VPS8: variants seen among roughly 807,000 people sequenced by gnomAD.
VPS8 encodes the protein vacuolar protein sorting-associated protein 8 homolog.
In VPS8, 129 loss-of-function variants were observed where a neutral mutation model predicts 216.4. The ratio of observed to expected loss-of-function variants is 0.60; its 90% confidence interval spans 0.52 to 0.69. The LOEUF (loss-of-function observed/expected upper bound fraction) is 0.69. Among genes scored for constraint, VPS8 ranks in the 30% least tolerant of loss-of-function variants. The pLI is 0.00. For missense variants in VPS8, 1,531 were observed against 1,683.5 expected (o/e 0.91, Z 1.59); for synonymous variants, 571 against 565.4 (o/e 1.01, Z -0.14).
chr3:184,858,706 A>G (rs1290354857), intron 14 of VPS8, among the ~76,000 whole-genome samples: 1 of 152,108 alleles, frequency 6.6e-6, no homozygotes, highest in African/African-American at 2.4e-5. Flanking sequence ...CTCAAAACAC[A>G]CTCATAATAA....
intron 46 of VPS8, among the ~76,000 whole-genome samples, chr3:185,046,222 T>C (rs1316001583): frequency 1.3e-5 from 2 of 152,316 alleles, no homozygotes; most frequent in East Asian, 1.9e-4. Flanking sequence ...AGAGATTATG[T>C]TCATATTTGG....
At chr3:185,002,076 T>G (rs1476888476) in intron 45 of VPS8, among the ~76,000 whole-genome samples, 1 of 152,072 alleles carries the variant, frequency 6.6e-6, no homozygotes, top group African/African-American at 2.4e-5. Context: ...AGAAGGTAAG[T>G]AGAATGAAAT....
At chr3:185,045,765 T>TAAAA (rs71632043) in intron 46 of VPS8, among the ~76,000 whole-genome samples, 1 of 129,094 alleles carries the variant, frequency 7.7e-6, no homozygotes. Flanking sequence ...AGACTCCGTC[T>TAAAA]AAAAAAAAAA....
At chr3:184,919,259 C>T (rs894534423) in intron 28 of VPS8, 1 of 152,120 alleles carries the variant, frequency 6.6e-6, no homozygotes, top group African/African-American at 2.4e-5. Context: ...ATGCGTAGTT[C>T]ATTTTCTTGT....
At chr3:185,013,463 G>A (rs113702653) in intron 45 of VPS8, among the ~76,000 whole-genome samples, 281 of 152,322 alleles carry the variant, frequency 1.8e-3, no homozygotes, top group Middle Eastern at 0.01. Flanking sequence ...ATTTTAATGG[G>A]TTACTAGCTG....
chr3:185,033,613 A>G (rs1309022918), intron 46 of VPS8, among the ~76,000 whole-genome samples: 1 of 152,230 alleles, frequency 6.6e-6, no homozygotes, highest in Non-Finnish European at 1.5e-5. Flanking sequence ...TTGCATGGGC[A>G]TCTCAACTCA....
chr3:184,884,095 T>C (rs1187834803), intron 21 of VPS8, among the ~76,000 whole-genome samples: 3 of 152,162 alleles, frequency 2.0e-5, no homozygotes, highest in Non-Finnish European at 4.4e-5. Context: ...TTTTATACTT[T>C]AAGTTCTAGG....
intron 45 of VPS8, among the ~76,000 whole-genome samples, chr3:185,011,909 C>T (rs1406237810): frequency 2.0e-5 from 3 of 152,058 alleles, no homozygotes; most frequent in South Asian, 4.1e-4. Flanking sequence ...TAAAGTATTT[C>T]GTGGAAAAGA....
intron 34 of VPS8, among the ~76,000 whole-genome samples, chr3:184,933,219 A>G (rs548941042): frequency 7.4e-4 from 113 of 152,362 alleles, no homozygotes; most frequent in Admixed American, 3.7e-3. Context: ...TATGGACTCT[A>G]TATCCTTGGC....
At position 184,996,398 on chromosome 3, in the gene VPS8, G is replaced by A; in HGVS notation, c.3733G>A (p.Ala1245Thr). The change falls in exon 44 of 48, where the codon GCT becomes ACT. Residue 1245 changes from alanine to threonine, a missense_variant. This residue lies in a region of VPS8 where 1,318 missense variants were observed against 1,468.4 expected (regional missense o/e 0.90). Coordinates refer to ENST00000625842, the MANE Select transcript of VPS8 (RefSeq NM_001009921.3). ...CCATTGGTCATTGTGTAACCTGAGA[G>A]CTTCGGTCACCAGAGGACTGAATCC... ...DLHWSLCNLR[A>T]SVTRGLNPKQ... 1 of 1,613,906 alleles carries A rather than the reference G, an allele frequency of 6.2e-7. No individual in the cohort carries two copies. The highest frequency in any genetic ancestry group is 8.5e-7 in the Non-Finnish European group (1 of 1,179,840).
At chr3:184,861,226 T>C (rs1053542846) in intron 15 of VPS8, among the ~76,000 whole-genome samples, 1 of 152,196 alleles carries the variant, frequency 6.6e-6, no homozygotes, top group African/African-American at 2.4e-5. Context: ...TATTTCTGGG[T>C]TCCCATCATT....
chr3:184,839,299 G>A, intron 6 of VPS8: 1 of 194,752 alleles, frequency 5.1e-6, no homozygotes, highest in Non-Finnish European at 1.0e-5. Flanking sequence ...ATGGCTTTAG[G>A]CCCCTGCGGA....
chr3:185,014,274 C>A (rs921852443), intron 45 of VPS8, among the ~76,000 whole-genome samples: 1 of 152,200 alleles, frequency 6.6e-6, no homozygotes, highest in Admixed American at 6.5e-5. Context: ...GCTTCTTGAT[C>A]TGTCCCTAAG....
intron 36 of VPS8, among the ~76,000 whole-genome samples, chr3:184,941,744 A>T (rs888387663): frequency 3.3e-5 from 5 of 152,030 alleles, no homozygotes; most frequent in Non-Finnish European, 5.9e-5. Context: ...AGATCCATTC[A>T]CTGCTCTGCC....
At chr3:185,023,593 G>A (rs1756947160) in intron 45 of VPS8, among the ~76,000 whole-genome samples, 1 of 152,070 alleles carries the variant, frequency 6.6e-6, no homozygotes, top group South Asian at 2.1e-4. Context: ...GGGAGGCGGA[G>A]GTTGCAATGA....
chr3:184,834,308 G>T (rs1020120602), intron 4 of VPS8, among the ~76,000 whole-genome samples: 2 of 152,142 alleles, frequency 1.3e-5, no homozygotes, highest in African/African-American at 4.8e-5. Flanking sequence ...TTTCCTGCTT[G>T]TGCTTCTTTG....
chr3:184,887,964 G>A (rs182911696), intron 22 of VPS8, among the ~76,000 whole-genome samples: 1 of 151,736 alleles, frequency 6.6e-6, no homozygotes, highest in East Asian at 1.9e-4. Flanking sequence ...CGTGTTTACA[G>A]TAGGGATCTT....
intron 44 of VPS8, among the ~76,000 whole-genome samples, chr3:184,996,924 G>T (rs560950590): frequency 6.6e-6 from 1 of 152,144 alleles, no homozygotes; most frequent in Non-Finnish European, 1.5e-5. Flanking sequence ...TGAATCTTTG[G>T]TCTGAGCAAT....
Position 184,930,526 on chromosome 3 carries a change from G to A in VPS8, c.2856G>A (p.Glu952=), listed in dbSNP as rs755481895. 7.4e-6 allele frequency: 12 copies of A among 1,613,588 alleles called. No homozygotes were observed. Among genetic ancestry groups the A allele is most frequent in the Non-Finnish European group, 1.0e-5 (12 of 1,179,572 alleles). Residue 952 remains glutamate (E), a synonymous_variant, in exon 34 of 48, where the codon GAG becomes GAA. Coordinates refer to ENST00000625842, the MANE Select transcript of VPS8 (RefSeq NM_001009921.3). ...NILSIPGHSA[E]EKQSVWQKAM... ...TATCCATTCCCGGACACAGTGCAGA[G>A]GAGAAGCAGTCTGTATGGCAGAAAG...
Sources: allele counts gnomAD v4.1 joint callset (sites outside exome capture counted in the v4.1 genomes callset), GRCh38; gene constraint gnomAD v4.1.1; regional missense constraint gnomAD v4.1.1; transcripts MANE v1.5; gene names NCBI Gene and HGNC (gene_info 2026-07-23, HGNC 2026-07-21).